TAF3: variants seen among roughly 807,000 people sequenced by gnomAD.
TAF3 encodes TATA-box binding protein associated factor 3.
A neutral mutation model predicts 80.6 loss-of-function variants in TAF3; 7 were observed. The ratio of observed to expected loss-of-function variants is 0.09; its 90% confidence interval spans 0.05 to 0.16. The LOEUF is 0.16. Ranked by LOEUF, TAF3 falls within the 10% of genes least tolerant of loss-of-function variation. The pLI is 1.00. For synonymous variants in TAF3, 444 were observed against 446.1 expected (o/e 1.00, Z 0.06); for missense variants, 921 against 1,140.2 (o/e 0.81, Z 2.77).
At chr10:7,850,611 G>A (rs1052647024) in intron 2 of TAF3, among the ~76,000 whole-genome samples, 7 of 151,906 alleles carry the variant, frequency 4.6e-5, no homozygotes, top group African/African-American at 1.5e-4. Context: ...AGGAGGCAGA[G>A]GTTGCAGTGA....
chr10:7,929,357 A>G (rs536734479), intron 2 of TAF3, among the ~76,000 whole-genome samples: 2 of 152,202 alleles, frequency 1.3e-5, no homozygotes, highest in East Asian at 3.9e-4. Flanking sequence ...AGTAAGATAC[A>G]TACAAGGAAG....
chr10:7,834,125 G>A lies in TAF3; in HGVS notation c.409+9565G>A, dbSNP rs572526375. ...TGAGCCCCTTGTCAGATGTGTGGGT[G>A]CACGTGTTTTCCTCCTCACCCACAG... On this transcript the variant is annotated intron_variant, in intron 2 of 6. Coordinates refer to ENST00000344293, the MANE Select transcript of TAF3 (RefSeq NM_031923.4). Among the ~76,000 whole-genome samples the A allele has an allele frequency of 3.3e-5, 5 of 152,336 alleles. No homozygotes were observed. The South Asian group carries it at 1.0e-3, about 32-fold the overall frequency.
chr10:7,907,294 A>T (rs886891943), intron 2 of TAF3, among the ~76,000 whole-genome samples: 1 of 152,188 alleles, frequency 6.6e-6, no homozygotes, highest in Admixed American at 6.5e-5. Context: ...ACAGATTGTG[A>T]TGCCAGATGA....
intron 2 of TAF3, among the ~76,000 whole-genome samples, chr10:7,925,454 G>A (rs956380887): frequency 6.6e-6 from 1 of 152,186 alleles, no homozygotes; most frequent in Non-Finnish European, 1.5e-5. Context: ...TAAACATGGA[G>A]TGCTTCTTGT....
At chr10:7,871,505 G>A (rs1283476637) in intron 2 of TAF3, among the ~76,000 whole-genome samples, 1 of 127,962 alleles carries the variant, frequency 7.8e-6, no homozygotes, top group East Asian at 2.4e-4. Context: ...GTGCAATGGT[G>A]TGATCTCTGC....
chr10:7,853,390 A>G (rs1837047836), intron 2 of TAF3, among the ~76,000 whole-genome samples: 1 of 152,248 alleles, frequency 6.6e-6, no homozygotes, highest in Non-Finnish European at 1.5e-5. Flanking sequence ...AGCAGTCAGC[A>G]AATGCTACAG....
intron 5 of TAF3, among the ~76,000 whole-genome samples, chr10:8,012,889 C>T (rs1195520259): frequency 6.6e-6 from 1 of 152,170 alleles, no homozygotes; most frequent in Admixed American, 6.5e-5. Context: ...CAATAATGTG[C>T]TCTGTTATTG....
intron 2 of TAF3, among the ~76,000 whole-genome samples, chr10:7,849,718 C>T (rs1837008548): frequency 6.6e-6 from 1 of 151,200 alleles, no homozygotes; most frequent in Admixed American, 6.6e-5. Flanking sequence ...CTCACTCTGT[C>T]ACCCAGGCTG....
At chr10:7,948,234 T>C (rs1178089187) in intron 2 of TAF3, among the ~76,000 whole-genome samples, 1 of 150,560 alleles carries the variant, frequency 6.6e-6, no homozygotes. Context: ...TACTAATTTT[T>C]TTTTTCTTTT....
At chr10:7,854,037 A>G (rs1004750929) in intron 2 of TAF3, among the ~76,000 whole-genome samples, 1 of 152,196 alleles carries the variant, frequency 6.6e-6, no homozygotes, top group Non-Finnish European at 1.5e-5. Context: ...CACACACACA[A>G]TCATTCGCCC....
chr10:7,964,575 G>C lies in TAF3; in HGVS notation c.1065G>C (p.Glu355Asp). ...SATLSEKISK[E>D]TIQVKQIQTP... ...CACTCAGTGAAAAAATCAGTAAAGA[G>C]ACTATCCAGGTAAAACAAATACAGA... The change falls in exon 3 of 7, where the codon GAG (glutamate) becomes GAC (aspartate). Residue 355 changes from glutamate to aspartate, a missense_variant. Physicochemically the swap from Glu to Asp is conservative, Grantham distance 45. This residue lies in a region of TAF3 where 743 missense variants were observed against 821.0 expected (regional missense o/e 0.90). Transcript: ENST00000344293. This position sits in a 1 kb window ranked among gnomAD's most constrained non-coding sequence, Gnocchi z 4.1. The C allele has an allele frequency of 1.2e-6, 2 of 1,614,056 alleles. No individual in the cohort carries two copies. Among genetic ancestry groups the C allele is most frequent in the Non-Finnish European group, 1.7e-6 (2 of 1,180,026 alleles).
At chr10:7,971,524 TA>T (rs1457318102) in intron 3 of TAF3, among the ~76,000 whole-genome samples, 1 of 151,970 alleles carries the variant, frequency 6.6e-6, no homozygotes, top group African/African-American at 2.4e-5. Context: ...GGACAGATTA[TA>T]TTGACAAAGC....
chr10:7,978,547 G>A (rs1831694568), intron 4 of TAF3, among the ~76,000 whole-genome samples: 1 of 152,156 alleles, frequency 6.6e-6, no homozygotes, highest in African/African-American at 2.4e-5. Context: ...CCTAGGAAAT[G>A]CAGCAAAAAT....
At chr10:7,936,735 A>G (rs748339439) in intron 2 of TAF3, among the ~76,000 whole-genome samples, 18 of 152,160 alleles carry the variant, frequency 1.2e-4, no homozygotes, top group Non-Finnish European at 2.5e-4. Context: ...GGTGTTGTAC[A>G]TTCCATGGGT....
chr10:7,896,905 A>G (rs568157659), intron 2 of TAF3, among the ~76,000 whole-genome samples: 9 of 152,128 alleles, frequency 5.9e-5, no homozygotes, highest in Admixed American at 1.3e-4. Context: ...GCCCTTTTCC[A>G]ACCTTCTTTA....
chr10:8,008,948 T>C (rs2131440961), intron 4 of TAF3, 130 bp from the exon 5 acceptor site: 2 of 1,324,216 alleles, frequency 1.5e-6, no homozygotes, highest in Non-Finnish European at 2.1e-6. Flanking sequence ...ACTCAGTTCT[T>C]GAGCTGCCTC....
rs1427889796 is a variant in TAF3 at position 7,965,210 on chromosome 10, A to G, written c.1700A>G (p.Glu567Gly). ...DKVKEKEKDK[E>G]TGRETKYPWK... ...GTGAAAGAGAAAGAGAAAGACAAGG[A>G]AACTGGCAGGGAAACAAAGTATCCC... The change falls in exon 3 of 7, where the codon GAA becomes GGA. Residue 567 changes from glutamate to glycine, a missense_variant. Glu to Gly is a moderately conservative substitution (Grantham distance 98, BLOSUM62 -2). Around this residue, in one of 6 missense-constraint regions of TAF3, gnomAD observed 743 missense variants for 821.0 expected, o/e 0.90. Coordinates refer to ENST00000344293, the MANE Select transcript of TAF3 (RefSeq NM_031923.4). 3 of 1,606,834 alleles carry G rather than the reference A, an allele frequency of 1.9e-6. No homozygotes were observed. The highest frequency in any genetic ancestry group is 1.7e-6 in the Non-Finnish European group (2 of 1,178,284).
intron 4 of TAF3, among the ~76,000 whole-genome samples, chr10:7,992,016 A>G (rs1831840746): frequency 6.6e-6 from 1 of 152,216 alleles, no homozygotes; most frequent in Admixed American, 6.5e-5. Context: ...TTTATGGCTA[A>G]CTTACAAATT....
intron 2 of TAF3, among the ~76,000 whole-genome samples, chr10:7,869,253 G>C (rs566341151): frequency 7.7e-4 from 116 of 151,532 alleles, no homozygotes; most frequent in African/African-American, 2.7e-3. Context: ...TACCGTGTGT[G>C]TGTGTGTCTG....
Sources: gnomAD v4.1 joint callset for allele counts (sites outside exome capture counted in the v4.1 genomes callset) on GRCh38, gnomAD v4.1.1 for gene constraint, gnomAD v4.1.1 regional missense constraint, Gnocchi (gnomAD v3.1) non-coding constraint, MANE v1.5 for transcripts, NCBI Gene and HGNC (gene_info 2026-07-23, HGNC 2026-07-21) for gene names.